Variants in CACNB4 observed in about 807,000 individuals in gnomAD.
The protein encoded by CACNB4 is voltage-dependent L-type calcium channel subunit beta-4.
In CACNB4, 32 loss-of-function variants were observed where a neutral mutation model predicts 71.2. The observed-to-expected ratio is 0.45, with a 90% CI of 0.34 to 0.60. The LOEUF is 0.60. CACNB4 is among the 20% of genes least tolerant of loss of function. The pLI is 0.01. For synonymous variants in CACNB4, 231 were observed against 236.9 expected, an observed-to-expected ratio of 0.97 and a Z score of 0.23; for missense variants, 464 against 647.9, an observed-to-expected ratio of 0.72 and a Z score of 3.08.
chr2:151,841,974 T>C lies in CACNB4; in HGVS notation c.1231A>G (p.Thr411Ala), dbSNP rs751340312. The C allele has an allele frequency of 3.1e-6, 5 of 1,613,640 alleles. No individual in the cohort carries two copies. In the South Asian group the frequency reaches 5.5e-5, roughly 18 times the overall value. ...CCCAAATTCCTTCCCAGCAGCGGGG[T>C]CATGGGTGTGCTACTGGTTGTGTGG... ...ATHTTSSTPM[T>A]PLLGRNLGST... is the part of the protein sequence containing the mutation. The change falls in exon 13 of 14, where the codon ACC becomes GCC. Residue 411 changes from threonine to alanine, a missense_variant. Transcript: ENST00000539935.
chr2:151,885,672 G>C (rs1398832394), intron 2 of CACNB4, among the ~76,000 whole-genome samples: 1 of 152,084 alleles, frequency 6.6e-6, no homozygotes, highest in Non-Finnish European at 1.5e-5. Context: ...CCTGATAACC[G>C]CAATGTGTCC....
intron 2 of CACNB4, among the ~76,000 whole-genome samples, chr2:151,976,814 C>T (rs2099873887): frequency 6.6e-6 from 1 of 152,166 alleles, no homozygotes; most frequent in East Asian, 1.9e-4. Flanking sequence ...AGTGAGACGT[C>T]CCTGGGAGCT....
At chr2:152,019,905 G>A (rs1042875171) in intron 2 of CACNB4, among the ~76,000 whole-genome samples, 2 of 152,226 alleles carry the variant, frequency 1.3e-5, no homozygotes, top group Admixed American at 6.5e-5. Flanking sequence ...CAAGTCAGCT[G>A]TACCTATGGT....
intron 2 of CACNB4, among the ~76,000 whole-genome samples, chr2:151,897,456 A>G (rs1203276734): frequency 6.6e-6 from 1 of 152,236 alleles, no homozygotes; most frequent in East Asian, 1.9e-4. Context: ...CAATAGATCC[A>G]AGGCGGTCAA....
At chr2:151,848,490 CT>C (rs1190319065) in intron 12 of CACNB4, among the ~76,000 whole-genome samples, 2 of 152,194 alleles carry the variant, frequency 1.3e-5, no homozygotes, top group Non-Finnish European at 2.9e-5. Context: ...TGGAAAATTA[CT>C]ACTGTGAGAG....
intron 2 of CACNB4, among the ~76,000 whole-genome samples, chr2:152,018,132 C>CT (rs71410455): frequency 6.6e-6 from 1 of 152,086 alleles, no homozygotes. Context: ...CATGCCCGGC[C>CT]TTTTTTACAC....
At chr2:151,971,820 C>T in intron 2 of CACNB4, 1 of 550,284 alleles carries the variant, frequency 1.8e-6, no homozygotes, top group Non-Finnish European at 3.3e-6. Flanking sequence ...TGAAAGCCTC[C>T]CATACTCTCA....
At chr2:151,855,776 A>G (rs1344232862) in intron 10 of CACNB4, among the ~76,000 whole-genome samples, 1 of 152,220 alleles carries the variant, frequency 6.6e-6, no homozygotes, top group African/African-American at 2.4e-5. Context: ...AAAGCAAATT[A>G]CACTGAAATA....
chr2:151,945,987 C>T (rs2099865485), intron 2 of CACNB4, among the ~76,000 whole-genome samples: 1 of 150,796 alleles, frequency 6.6e-6, no homozygotes, highest in Admixed American at 6.6e-5. Context: ...ATTATTATTA[C>T]TACTGCTGCT....
intron 2 of CACNB4, among the ~76,000 whole-genome samples, chr2:152,060,896 T>C (rs1685977109): frequency 1.3e-5 from 2 of 152,204 alleles, no homozygotes; most frequent in Non-Finnish European, 1.5e-5. Context: ...ACACAGAAAA[T>C]ATGAAAAGAT....
At chr2:151,949,949 G>A (rs531924456) in intron 2 of CACNB4, among the ~76,000 whole-genome samples, 123 of 152,274 alleles carry the variant, frequency 8.1e-4, no homozygotes, top group Non-Finnish European at 1.6e-3. Flanking sequence ...TTGGGAGGCT[G>A]AGGCAAGATA....
intron 2 of CACNB4, among the ~76,000 whole-genome samples, chr2:152,010,506 A>G (rs1429559984): frequency 6.6e-6 from 1 of 152,214 alleles, no homozygotes; most frequent in Non-Finnish European, 1.5e-5. Flanking sequence ...GAAGGCAAAT[A>G]TTTACTGAGA....
chr2:151,864,751 C>G (rs1378790498), intron 9 of CACNB4, among the ~76,000 whole-genome samples: 5 of 152,052 alleles, frequency 3.3e-5, no homozygotes, highest in African/African-American at 7.2e-5. Context: ...CATGGGGTTG[C>G]CATTAAGAGC....
intron 9 of CACNB4, chr2:151,861,852 A>AAAAAAAAAAAAACAAAAAAC (rs1559883027): frequency 1.4e-4 from 21 of 146,542 alleles, no homozygotes; most frequent in African/African-American, 5.5e-4. Flanking sequence ...CAAAAAAAAA[A>AAAAAAAAAAAAACAAAAAAC]AAAAAACTGA....
chr2:151,842,094 G>T lies in CACNB4; in HGVS notation c.1117-6C>A. 6.2e-7 allele frequency: 1 copy of T among 1,612,424 alleles called. No individual in the cohort carries two copies. The highest frequency in any genetic ancestry group is 1.1e-5 in the South Asian group (1 of 90,994). ...AATATAACATCAAACATTTCCTGTAGATGACAAGAAAATCCACTTTACTTC... is the reference window on the plus strand; with the variant it reads ...AATATAACATCAAACATTTCCTGTATATGACAAGAAAATCCACTTTACTTC... On this transcript the variant is annotated splice_polypyrimidine_tract_variant and splice_region_variant and intron_variant, in intron 12 of 13. Coordinates refer to ENST00000539935, the MANE Select transcript of CACNB4 (RefSeq NM_000726.5).
rs548133702 is a variant in CACNB4 at position 151,855,670 on chromosome 2, T to C, written c.869-295A>G. ...ATGATTATTTTATGTTGTTTTTGAT[T>C]GTTGTTTTGTTCTAAAGAACTTTAA... On this transcript the variant is annotated intron_variant, in intron 10 of 13. Coordinates refer to ENST00000539935, the MANE Select transcript of CACNB4 (RefSeq NM_000726.5). 3.9e-5 allele frequency among the ~76,000 whole-genome samples: 6 copies of C among 152,378 alleles called. No individual in the cohort carries two copies. The South Asian group carries it at 1.2e-3, about 32-fold the overall frequency.
chr2:151,994,689 C>T (rs1681941979), intron 2 of CACNB4, among the ~76,000 whole-genome samples: 1 of 152,216 alleles, frequency 6.6e-6, no homozygotes, highest in African/African-American at 2.4e-5. Flanking sequence ...GCCTCATAGG[C>T]TCCTTAAGCA....
At chr2:152,088,140 A>AACACACACACACACACACAC (rs55688548) in intron 2 of CACNB4, among the ~76,000 whole-genome samples, 1 of 136,938 alleles carries the variant, frequency 7.3e-6, no homozygotes. Context: ...TTCCCCACTT[A>AACACACACACACACACACAC]ACACACACAC....
intron 2 of CACNB4, among the ~76,000 whole-genome samples, chr2:151,976,067 G>A (rs983245441): frequency 3.3e-5 from 5 of 152,206 alleles, no homozygotes; most frequent in Admixed American, 1.3e-4. Context: ...GCACTTTACG[G>A]TACCCTAATG....
Sources: allele counts gnomAD v4.1 joint callset (sites outside exome capture counted in the v4.1 genomes callset), GRCh38; gene constraint gnomAD v4.1.1; transcripts MANE v1.5; gene names NCBI Gene and HGNC (gene_info 2026-07-23, HGNC 2026-07-21).